MYO9A: variants seen among roughly 807,000 people sequenced by gnomAD.
MYO9A encodes the protein myosin IXA.
A neutral mutation model predicts 293.3 loss-of-function variants in MYO9A; 103 were observed. The ratio of observed to expected loss-of-function variants is 0.35; its 90% CI spans 0.30 to 0.41. MYO9A has a LOEUF of 0.41. Among genes scored for constraint, MYO9A ranks in the 10% least tolerant of loss-of-function variants. The pLI, the probability that MYO9A is intolerant of heterozygous loss-of-function variation, is 1.00. For missense variants in MYO9A, 2,685 were observed against 3,033.0 expected (o/e 0.89, Z 2.69); for synonymous variants, 1,001 against 1,035.7 (o/e 0.97, Z 0.64).
chr15:71,911,784 G>A (rs1235634609), intron 19 of MYO9A, among the ~76,000 whole-genome samples: 1 of 152,156 alleles, frequency 6.6e-6, no homozygotes, highest in Non-Finnish European at 1.5e-5. Flanking sequence ...TGAAAGTTTG[G>A]TGGTCAAAGG....
In MYO9A at chr15:71,926,717, A is replaced by G. The variant is rs531777551; in HGVS notation, c.2562+6953T>C. On this transcript the variant is annotated intron_variant, in intron 18 of 41. Coordinates refer to ENST00000356056, the MANE Select transcript of MYO9A (RefSeq NM_006901.4). ...GTGGCTGTGGGGAAAGCCGCCACAC[A>G]AGCTATCTTGATGCCAAGGGTGTAT... Among the ~76,000 whole-genome samples the G allele has an allele frequency of 2.0e-5, 3 of 152,302 alleles. No individual in the cohort carries two copies. In the South Asian group the frequency reaches 6.2e-4, roughly 32 times the overall value.
intron 18 of MYO9A, among the ~76,000 whole-genome samples, chr15:71,927,285 T>C (rs920987553): frequency 6.6e-6 from 1 of 152,236 alleles, no homozygotes; most frequent in Admixed American, 6.5e-5. Context: ...AGTCTGCAAA[T>C]ATTTTCTCCC....
chr15:71,982,125 T>G (rs1417901117), intron 11 of MYO9A, among the ~76,000 whole-genome samples: 1 of 145,416 alleles, frequency 6.9e-6, no homozygotes, highest in African/African-American at 2.5e-5. Context: ...GTTCACACCA[T>G]TCTCCTGCCT....
At chr15:71,981,330 AC>A (rs2147965519) in intron 11 of MYO9A, among the ~76,000 whole-genome samples, 2 of 152,062 alleles carry the variant, frequency 1.3e-5, no homozygotes, top group South Asian at 4.2e-4. Flanking sequence ...TTTCTATTCC[AC>A]CTAACAGCTT....
chr15:71,934,672 C>T (rs2058578519), intron 17 of MYO9A, among the ~76,000 whole-genome samples: 1 of 150,722 alleles, frequency 6.6e-6, no homozygotes, highest in Non-Finnish European at 1.5e-5. Flanking sequence ...AAGATCATGA[C>T]TCATTGCAGC....
chr15:71,886,068 T>G (rs1309926014), intron 27 of MYO9A, among the ~76,000 whole-genome samples: 1 of 152,068 alleles, frequency 6.6e-6, no homozygotes, highest in Non-Finnish European at 1.5e-5. Context: ...TCTTGAAGTG[T>G]TCTATTCCCT....
chr15:72,017,820 A>T (rs2077388822), intron 6 of MYO9A, among the ~76,000 whole-genome samples: 1 of 152,160 alleles, frequency 6.6e-6, no homozygotes, highest in African/African-American at 2.4e-5. Context: ...ATTAATAGAC[A>T]TAGGAAGATT....
At chr15:72,039,784 G>A (rs554659445) in intron 2 of MYO9A, among the ~76,000 whole-genome samples, 1 of 152,134 alleles carries the variant, frequency 6.6e-6, no homozygotes, top group Non-Finnish European at 1.5e-5. Flanking sequence ...AGCTGAGATT[G>A]TGCCACTGTA....
chr15:71,912,776 A>G (rs1352798647), intron 19 of MYO9A, among the ~76,000 whole-genome samples: 1 of 152,196 alleles, frequency 6.6e-6, no homozygotes, highest in Non-Finnish European at 1.5e-5. Flanking sequence ...CACCACACAT[A>G]GAATTCTAGG....
intron 17 of MYO9A, chr15:71,935,128 G>T: frequency 2.2e-6 from 1 of 459,520 alleles, no homozygotes. Context: ...GGTAATATGG[G>T]GGAGAAAAAT....
At chr15:72,097,017 G>C (rs755934746) in intron 1 of MYO9A, among the ~76,000 whole-genome samples, 2 of 152,196 alleles carry the variant, frequency 1.3e-5, no homozygotes, top group Non-Finnish European at 2.9e-5. Flanking sequence ...TCTTGAGATA[G>C]AATCTACTCC....
intron 1 of MYO9A, among the ~76,000 whole-genome samples, chr15:72,104,016 C>A (rs34625473): frequency 6.6e-6 from 1 of 152,170 alleles, no homozygotes; most frequent in Non-Finnish European, 1.5e-5. Flanking sequence ...CAACTTATGA[C>A]GGTTCAACTT....
At chr15:72,077,746 AAAAAAAATATATATATATAT>A (rs1395867195) in intron 1 of MYO9A, among the ~76,000 whole-genome samples, 1 of 42,506 alleles carries the variant, frequency 2.4e-5, no homozygotes, top group African/African-American at 7.1e-5. Flanking sequence ...AAAAAAAAAA[AAAAAAAATATATATATATAT>A]ATATATATAT....
At chr15:71,928,725 ATTTC>A (rs1347768056) in intron 18 of MYO9A, among the ~76,000 whole-genome samples, 1 of 151,872 alleles carries the variant, frequency 6.6e-6, no homozygotes, top group Admixed American at 6.6e-5. Context: ...GGTTTCCTTA[ATTTC>A]TTTTTCAGAT....
At chr15:71,928,058 T>TATATATATATATA (rs2058373166) in intron 18 of MYO9A, among the ~76,000 whole-genome samples, 2 of 3,722 alleles carry the variant, frequency 5.4e-4, no homozygotes, top group Non-Finnish European at 1.7e-3. Context: ...ATATATATAT[T>TATATATATATATA]TTTTTTTTTT....
chr15:72,098,474 AAT>A (rs1437449389), intron 1 of MYO9A, among the ~76,000 whole-genome samples: 4 of 152,194 alleles, frequency 2.6e-5, no homozygotes, highest in Non-Finnish European at 4.4e-5. Context: ...ACTCCTAAAT[AAT>A]ATATGTGACC....
At chr15:72,020,736 T>G (rs974791000) in intron 5 of MYO9A, among the ~76,000 whole-genome samples, 182 bp downstream of exon 5, 4 of 152,166 alleles carry the variant, frequency 2.6e-5, no homozygotes, top group African/African-American at 9.7e-5. Context: ...CTTTTAACAT[T>G]TATATGAGGA....
intron 19 of MYO9A, among the ~76,000 whole-genome samples, chr15:71,915,211 T>A (rs2057973763): frequency 6.6e-6 from 1 of 152,104 alleles, no homozygotes; most frequent in Admixed American, 6.5e-5. Context: ...AAAGTGAACA[T>A]CCAGACTCTG....
chr15:71,999,961 C>T, intron 8 of MYO9A, 21 bp from the exon 9 acceptor site: 1 of 1,572,726 alleles, frequency 6.4e-7, no homozygotes, highest in Non-Finnish European at 8.7e-7. Flanking sequence ...GAAAAGTAAA[C>T]TCAATATGTA....
Sources: gnomAD v4.1 joint callset for allele counts (sites outside exome capture counted in the v4.1 genomes callset) on GRCh38, gnomAD v4.1.1 for gene constraint, MANE v1.5 for transcripts, NCBI Gene and HGNC (gene_info 2026-07-23, HGNC 2026-07-21) for gene names.